The following CNTRL variants were observed in gnomAD, a reference collection of about 807,000 sequenced individuals.
CNTRL encodes the protein centriolin, also known as 110 kDa centrosomal protein.
Under a neutral mutation model 303.7 loss-of-function variants are expected in CNTRL, and 233 were observed. The ratio of observed to expected loss-of-function variants is 0.77; its 90% CI spans 0.69 to 0.86. The LOEUF (loss-of-function observed/expected upper bound fraction) is 0.86. CNTRL is among the 40% of genes least tolerant of loss of function. The pLI is 0.00. For synonymous variants in CNTRL, 900 were observed against 922.2 expected, an observed-to-expected ratio of 0.98 and a Z score of 0.44; for missense variants, 2,524 against 2,650.6, an observed-to-expected ratio of 0.95 and a Z score of 1.05.
chr9:121,121,355 A>G (rs2050216178), intron 12 of CNTRL, among the ~76,000 whole-genome samples: 1 of 152,208 alleles, frequency 6.6e-6, no homozygotes, highest in African/African-American at 2.4e-5. Flanking sequence ...TGTTTTAGAA[A>G]GAGGTGGAGC....
intron 1 of CNTRL, among the ~76,000 whole-genome samples, chr9:121,079,917 G>A (rs929919423): frequency 1.3e-4 from 20 of 151,910 alleles, no homozygotes; most frequent in African/African-American, 4.1e-4. Flanking sequence ...AGGGTGGAGC[G>A]CAGGGGCACG....
rs745846244 is a variant in CNTRL, at chr9:121,140,287, G to T, written c.2338-354G>T. 2.0e-5 allele frequency among the ~76,000 whole-genome samples: 3 copies of T among 152,284 alleles called. No homozygotes were observed. The South Asian group carries it at 6.2e-4, about 32-fold the overall frequency. On this transcript the variant is annotated intron_variant, in intron 16 of 43. Transcript: ENST00000373855. ...GGAGAGAATGAGAACCTATTTTCTG[G>T]CTAGTTGATGTGTTGACTGGCCTCT...
chr9:121,112,720 G>C (rs1168462962), intron 9 of CNTRL, 142 bp downstream of exon 9: 1 of 899,842 alleles, frequency 1.1e-6, no homozygotes, highest in South Asian at 1.8e-5. Context: ...ACTGTATTTT[G>C]GTTCAATCTA....
chr9:121,128,645 A>C (rs1350767003), intron 14 of CNTRL, among the ~76,000 whole-genome samples: 1 of 152,138 alleles, frequency 6.6e-6, no homozygotes, highest in African/African-American at 2.4e-5. Context: ...CTTTGGTTTA[A>C]TTAGATCCCA....
chr9:121,104,559 A>G (rs1195985939), intron 7 of CNTRL, among the ~76,000 whole-genome samples: 1 of 129,920 alleles, frequency 7.7e-6, no homozygotes, highest in East Asian at 2.9e-4. Context: ...AACTATCCAA[A>G]AAGAAAAGAA....
chr9:121,119,120 A>G (rs1038075795), intron 12 of CNTRL, among the ~76,000 whole-genome samples: 3 of 151,830 alleles, frequency 2.0e-5, no homozygotes, highest in Non-Finnish European at 4.4e-5. Flanking sequence ...ACACACACAT[A>G]TATGGAATGT....
chr9:121,157,728 A>G lies in CNTRL; in HGVS notation c.4497-12A>G. 1 of 1,613,206 alleles carries G rather than the reference A, an allele frequency of 6.2e-7. No individual in the cohort carries two copies. Among genetic ancestry groups the G allele is most frequent in the Non-Finnish European group, 8.5e-7 (1 of 1,179,722 alleles). Reference sequence around the variant, plus strand: ...CTACAGGACCTGGGGGGAATAAAGCAATGTGCTTTAGATCGCTCCAGGCTG... The same window carrying G: ...CTACAGGACCTGGGGGGAATAAAGCGATGTGCTTTAGATCGCTCCAGGCTG... On this transcript the variant is annotated splice_polypyrimidine_tract_variant and intron_variant, in intron 28 of 43. Transcript: ENST00000373855.
chr9:121,150,388 G>A lies in CNTRL; in HGVS notation c.3868G>A (p.Ala1290Thr). ...TGTTTATGGCCCACCTCCTGCTGGG[G>A]CCCCCATGGTGTATGGGCCTCCACC... ...TVVYGPPPAG[A>T]PMVYGPPPPN... Residue 1290 changes from alanine to threonine, a missense_variant, in exon 25 of 44, where the codon GCC becomes ACC. Physicochemically the swap from Ala to Thr is moderately conservative, Grantham distance 58. Transcript: ENST00000373855. 1.2e-6 allele frequency: 2 copies of A among 1,614,054 alleles called. No individual in the cohort carries two copies. Among genetic ancestry groups the A allele is most frequent in the Non-Finnish European group, 1.7e-6 (2 of 1,179,994 alleles).
At chr9:121,140,415 A>AG (rs1218831155) in intron 16 of CNTRL, among the ~76,000 whole-genome samples, 1 of 152,262 alleles carries the variant, frequency 6.6e-6, no homozygotes, top group East Asian at 1.9e-4. Flanking sequence ...CAGATGGAAC[A>AG]GGCACTTGAA....
intron 40 of CNTRL, 78 bp from the exon 41 acceptor site, chr9:121,173,165 C>T (rs2053379417): frequency 1.6e-6 from 2 of 1,268,878 alleles, no homozygotes; most frequent in Admixed American, 4.5e-5. Flanking sequence ...TCTTTAAATA[C>T]ATGGCACATC....
chr9:121,120,259 A>AT (rs960994804), intron 12 of CNTRL, among the ~76,000 whole-genome samples: 3 of 152,064 alleles, frequency 2.0e-5, no homozygotes, highest in African/African-American at 7.2e-5. Context: ...TATCATATAT[A>AT]TTTTTTTGTG....
Position 121,175,113 on chromosome 9 carries a change from A to G in CNTRL, c.6843A>G (p.Val2281=), listed in dbSNP as rs2053465855. Residue 2281 remains valine (V), a synonymous_variant, in exon 43 of 44, where the codon GTA becomes GTG. Coordinates refer to ENST00000373855, the MANE Select transcript of CNTRL (RefSeq NM_007018.6). ...EGTLHSLRRQ[V]DALGELVTST... is the part of the protein sequence containing the mutation. ...CTTTACACAGTTTGAGGAGACAAGT[A>G]GATGCTTTAGGGGAATTGGTCACCA... 6.2e-7 allele frequency: 1 copy of G among 1,614,094 alleles called. No homozygotes were observed. The highest frequency in any genetic ancestry group is 8.5e-7 in the Non-Finnish European group (1 of 1,180,008).
At chr9:121,106,651 G>A (rs200753205) in intron 7 of CNTRL, among the ~76,000 whole-genome samples, 1 of 152,034 alleles carries the variant, frequency 6.6e-6, no homozygotes, top group East Asian at 1.9e-4. Context: ...GTATCAAATA[G>A]CCAATTTAGA....
At chr9:121,080,889 C>T (rs10739587) in intron 2 of CNTRL, among the ~76,000 whole-genome samples, 90,921 of 152,064 alleles carry the variant, frequency 0.6, 29,406 homozygotes, top group South Asian at 0.89. Flanking sequence ...CAAATTTATT[C>T]GATCAAAGCT....
intron 7 of CNTRL, among the ~76,000 whole-genome samples, chr9:121,100,174 C>T (rs1437540578): frequency 1.3e-5 from 2 of 152,176 alleles, no homozygotes; most frequent in East Asian, 3.8e-4. Flanking sequence ...GTCGGGTTAC[C>T]CACAAGGGAA....
intron 14 of CNTRL, 84 bp downstream of exon 14, chr9:121,126,020 AT>A: frequency 8.7e-7 from 1 of 1,151,190 alleles, no homozygotes. Context: ...GTAACAGTAC[AT>A]TTTTAAGTGG....
intron 36 of CNTRL, among the ~76,000 whole-genome samples, chr9:121,167,017 G>A (rs1247368712): frequency 2.0e-5 from 2 of 97,638 alleles, no homozygotes; most frequent in Non-Finnish European, 4.2e-5. Flanking sequence ...GTGAAGCTCT[G>A]TCTCAAAAAA....
chr9:121,137,229 T>G (rs759483074), intron 15 of CNTRL, among the ~76,000 whole-genome samples: 15 of 152,212 alleles, frequency 9.9e-5, no homozygotes, highest in Non-Finnish European at 2.1e-4. Flanking sequence ...CACCTCAACC[T>G]TTCCTTTCTG....
At chr9:121,104,091 C>T (rs1340091226) in intron 7 of CNTRL, among the ~76,000 whole-genome samples, 12 of 152,200 alleles carry the variant, frequency 7.9e-5, no homozygotes, top group Admixed American at 7.2e-4. Context: ...TTTATTGCGG[C>T]ACTATTCACA....
Sources: allele counts gnomAD v4.1 joint callset (sites outside exome capture counted in the v4.1 genomes callset), GRCh38; gene constraint gnomAD v4.1.1; transcripts MANE v1.5; gene names NCBI Gene and HGNC (gene_info 2026-07-23, HGNC 2026-07-21).